Variants in ROBO1 observed in about 807,000 individuals in gnomAD.
ROBO1 encodes roundabout guidance receptor 1.
Under a neutral mutation model 195.9 loss-of-function variants are expected in ROBO1, and 149 were observed. The observed-to-expected ratio is 0.76, with a 90% confidence interval of 0.67 to 0.87. ROBO1 has a LOEUF of 0.87. Ranked by LOEUF, ROBO1 falls within the 40% of genes least tolerant of loss-of-function variation. The pLI is 0.00. For synonymous variants in ROBO1, 816 were observed against 733.2 expected (o/e 1.11, Z -1.82); for missense variants, 1,933 against 2,068.3 (o/e 0.93, Z 1.27).
chr3:78,766,328 A>C (rs2083227282), intron 4 of ROBO1, among the ~76,000 whole-genome samples: 1 of 152,160 alleles, frequency 6.6e-6, no homozygotes, highest in Non-Finnish European at 1.5e-5. Flanking sequence ...AGAAGAATAT[A>C]AAAATGGCTT....
intron 2 of ROBO1, among the ~76,000 whole-genome samples, chr3:79,531,641 C>T (rs531746432): frequency 6.6e-6 from 1 of 152,232 alleles, no homozygotes; most frequent in Admixed American, 6.5e-5. Flanking sequence ...ATACTAGAAA[C>T]GCTGGCAAAA....
chr3:79,300,623 G>C (rs1352884351), intron 2 of ROBO1, among the ~76,000 whole-genome samples: 2 of 152,214 alleles, frequency 1.3e-5, no homozygotes, highest in Non-Finnish European at 2.9e-5. Context: ...CAGTGGGACT[G>C]GCAGGCAGCT....
chr3:78,643,471 C>T (rs1706092435), intron 21 of ROBO1, among the ~76,000 whole-genome samples: 1 of 152,012 alleles, frequency 6.6e-6, no homozygotes, highest in South Asian at 2.1e-4. Context: ...TGAGAAGGGT[C>T]GCTGGGTGGG....
chr3:79,550,200 A>AG (rs1942450061), intron 2 of ROBO1, among the ~76,000 whole-genome samples: 1 of 35,286 alleles, frequency 2.8e-5, no homozygotes, highest in Non-Finnish European at 9.1e-5. Flanking sequence ...AGAAAGGAAA[A>AG]GAAAAGAAAA....
intron 1 of ROBO1, among the ~76,000 whole-genome samples, chr3:79,764,791 T>A (rs2107534321): frequency 6.6e-6 from 1 of 152,364 alleles, no homozygotes; most frequent in Middle Eastern, 3.4e-3. Context: ...GAATTGATTC[T>A]ACTATGTTAT....
chr3:79,001,915 A>AT (rs1241080057), intron 3 of ROBO1, among the ~76,000 whole-genome samples: 5 of 152,102 alleles, frequency 3.3e-5, no homozygotes, highest in Admixed American at 3.3e-4. Flanking sequence ...AGAATGTATT[A>AT]TTTTTTCTTA....
chr3:79,717,207 G>GC (rs1378363075), intron 1 of ROBO1, among the ~76,000 whole-genome samples: 1 of 131,294 alleles, frequency 7.6e-6, no homozygotes, highest in Non-Finnish European at 1.6e-5. Context: ...TCTCAATAAA[G>GC]CTTTTGTTTT....
chr3:78,670,128 C>A lies in ROBO1; in HGVS notation c.1516G>T (p.Glu506Ter). The A allele has an allele frequency of 6.2e-7, 1 of 1,613,594 alleles. No homozygotes were observed. Among genetic ancestry groups the A allele is most frequent in the Non-Finnish European group, 8.5e-7 (1 of 1,179,716 alleles). The change falls in exon 11 of 31, where the codon GAG (glutamate) becomes TAG (stop). Residue 506 changes from glutamate (E) to a stop codon, truncating the protein, a stop_gained. Coordinates refer to ENST00000464233, the MANE Select transcript of ROBO1 (RefSeq NM_002941.4). LOFTEE classifies it high-confidence loss of function. ...STQDSRIKQL[E>*]NGVLQIRYAK... is the part of the protein sequence containing the mutation. ...TATCGGATCTGCAGTACTCCATTCTCCAACTGTTTGATTCGAGAGTCTTGG... is the reference window on the plus strand; with the variant it reads ...TATCGGATCTGCAGTACTCCATTCTACAACTGTTTGATTCGAGAGTCTTGG...
intron 4 of ROBO1, among the ~76,000 whole-genome samples, chr3:78,931,418 G>T (rs1224430577): frequency 1.3e-5 from 2 of 151,360 alleles, no homozygotes; most frequent in Non-Finnish European, 2.9e-5. Flanking sequence ...GTCTAATTTT[G>T]TATTTTCAGT....
intron 2 of ROBO1, among the ~76,000 whole-genome samples, chr3:79,242,006 C>T (rs946815042): frequency 4.7e-5 from 7 of 149,016 alleles, no homozygotes; most frequent in Non-Finnish European, 1.0e-4. Flanking sequence ...AGGTGTAAAA[C>T]AGAAATACAC....
chr3:78,637,111 A>G (rs1380126070), intron 22 of ROBO1, among the ~76,000 whole-genome samples: 1 of 141,544 alleles, frequency 7.1e-6, no homozygotes, highest in Non-Finnish European at 1.5e-5. Context: ...CAAAAGTGGT[A>G]CCAACATTAA....
intron 2 of ROBO1, among the ~76,000 whole-genome samples, chr3:79,350,998 T>G (rs1476359107): frequency 1.3e-5 from 2 of 152,158 alleles, no homozygotes; most frequent in African/African-American, 4.8e-5. Flanking sequence ...CCCAGGAGGA[T>G]TTCTTTTTGA....
chr3:79,507,357 G>A (rs1300925985), intron 2 of ROBO1, among the ~76,000 whole-genome samples: 3 of 152,174 alleles, frequency 2.0e-5, no homozygotes, highest in African/African-American at 7.2e-5. Flanking sequence ...ATAAATGGGG[G>A]CAGGGGTTTT....
chr3:78,935,469 A>G (rs1481423027), intron 4 of ROBO1, among the ~76,000 whole-genome samples: 1 of 152,098 alleles, frequency 6.6e-6, no homozygotes, highest in Non-Finnish European at 1.5e-5. Context: ...CATATTAAAT[A>G]TAAGTTGTGT....
intron 4 of ROBO1, among the ~76,000 whole-genome samples, chr3:78,764,629 G>T (rs2083183353): frequency 6.6e-6 from 1 of 152,104 alleles, no homozygotes; most frequent in African/African-American, 2.4e-5. Context: ...TCTTAATATA[G>T]TAAGTAATAT....
intron 2 of ROBO1, among the ~76,000 whole-genome samples, chr3:79,571,973 A>G (rs1305709313): frequency 2.0e-5 from 3 of 152,152 alleles, no homozygotes; most frequent in African/African-American, 7.2e-5. Flanking sequence ...AAGTGGAATT[A>G]AAAAACACTA....
intron 4 of ROBO1, among the ~76,000 whole-genome samples, chr3:78,919,004 T>G (rs572929562): frequency 1.0e-3 from 155 of 152,322 alleles, no homozygotes; most frequent in African/African-American, 3.6e-3. Context: ...TATCTACACT[T>G]ACAAATATTT....
chr3:79,431,716 G>A (rs1370634348), intron 2 of ROBO1, among the ~76,000 whole-genome samples: 1 of 152,124 alleles, frequency 6.6e-6, no homozygotes, highest in Non-Finnish European at 1.5e-5. Context: ...AATAAAAAAT[G>A]ACTCAATGAA....
intron 4 of ROBO1, among the ~76,000 whole-genome samples, chr3:78,924,735 C>T (rs1221999772): frequency 6.6e-6 from 1 of 152,116 alleles, no homozygotes; most frequent in Non-Finnish European, 1.5e-5. Context: ...ACTATCAGCA[C>T]ATCTCAGTCA....
Sources: gnomAD v4.1 joint callset for allele counts (sites outside exome capture counted in the v4.1 genomes callset) on GRCh38, gnomAD v4.1.1 for gene constraint, MANE v1.5 for transcripts, NCBI Gene and HGNC (gene_info 2026-07-23, HGNC 2026-07-21) for gene names.